DCC: variants seen among roughly 807,000 people sequenced by gnomAD.
DCC encodes DCC netrin 1 receptor, also known as netrin receptor DCC.
In DCC, 58 loss-of-function variants were observed where a neutral mutation model predicts 172.5. That is an observed-to-expected ratio of 0.34 (90% CI 0.27 to 0.42). The LOEUF is 0.42. Among genes scored for constraint, DCC ranks in the 10% least tolerant of loss-of-function variants. The pLI, the probability that DCC is intolerant of heterozygous loss-of-function variation, is 1.00. For synonymous variants in DCC, 709 were observed against 644.5 expected, an observed-to-expected ratio of 1.10 and a Z score of -1.52; for missense variants, 1,740 against 1,791.0, an observed-to-expected ratio of 0.97 and a Z score of 0.51.
intron 2 of DCC, among the ~76,000 whole-genome samples, chr18:52,773,559 C>A (rs890803379): frequency 6.6e-6 from 1 of 150,972 alleles, no homozygotes; most frequent in Admixed American, 6.6e-5. Context: ...CAGAGTCTCG[C>A]TGTGTCTCCC....
intron 2 of DCC, among the ~76,000 whole-genome samples, chr18:52,865,819 C>T (rs113987573): frequency 0.05 from 7,630 of 152,106 alleles, 255 homozygotes; most frequent in South Asian, 0.14. Context: ...ACAGAGACAA[C>T]TTGGCTTCCT....
chr18:52,408,661 A>G (rs1034756750), intron 1 of DCC, among the ~76,000 whole-genome samples: 2 of 152,136 alleles, frequency 1.3e-5, no homozygotes, highest in Non-Finnish European at 2.9e-5. Context: ...AGCATCAAGC[A>G]TCTATAGCTC....
chr18:53,489,971 A>G (rs1387900394), intron 26 of DCC, among the ~76,000 whole-genome samples: 2 of 152,146 alleles, frequency 1.3e-5, no homozygotes, highest in Admixed American at 6.5e-5. Flanking sequence ...ATTTCTACAA[A>G]TCAGTACAAA....
At chr18:53,485,290 T>A (rs2045887948) in intron 25 of DCC, among the ~76,000 whole-genome samples, 1 of 152,022 alleles carries the variant, frequency 6.6e-6, no homozygotes, top group Non-Finnish European at 1.5e-5. Flanking sequence ...CATGTATTTT[T>A]AAAAAAATTC....
intron 5 of DCC, among the ~76,000 whole-genome samples, chr18:52,962,704 C>T (rs1187954009): frequency 6.6e-6 from 1 of 151,654 alleles, no homozygotes; most frequent in Non-Finnish European, 1.5e-5. Context: ...TGGAACCAAC[C>T]CAAATGTCCA....
chr18:52,743,660 A>T (rs1159199326), intron 1 of DCC, among the ~76,000 whole-genome samples: 1 of 152,178 alleles, frequency 6.6e-6, no homozygotes, highest in African/African-American at 2.4e-5. Flanking sequence ...TGCCCTTTAA[A>T]AACCTCAGAT....
At chr18:52,405,550 G>T (rs1320218309) in intron 1 of DCC, among the ~76,000 whole-genome samples, 2 of 151,184 alleles carry the variant, frequency 1.3e-5, no homozygotes, top group South Asian at 2.1e-4. Context: ...GAGCCGAATC[G>T]TGAGTGAACT....
At chr18:53,432,729 G>A (rs1007961044) in intron 21 of DCC, among the ~76,000 whole-genome samples, 1 of 137,898 alleles carries the variant, frequency 7.3e-6, no homozygotes, top group African/African-American at 3.0e-5. Flanking sequence ...AGCAATGGGA[G>A]AATCTTTTAT....
In DCC at chr18:53,179,004, C is replaced by T. The variant is rs762499040; in HGVS notation, c.1461C>T (p.Leu487=). The T allele has an allele frequency of 3.7e-6, 6 of 1,613,894 alleles. No individual in the cohort carries two copies. The South Asian group carries it at 6.6e-5, about 18-fold the overall frequency. The change falls in exon 9 of 29, where the codon CTC becomes CTT. Residue 487 remains leucine, a synonymous_variant. Coordinates refer to ENST00000442544, the MANE Select transcript of DCC (RefSeq NM_005215.4). ...CAACACAGCCTGGGTCCCTTCAGCT[C>T]ACTGTGGGAAACCTGAAGCCAGAAG... is the stretch of plus-strand genomic sequence containing the variant. ...LNTTQPGSLQ[L]TVGNLKPEAM... is the part of the protein sequence containing the mutation.
chr18:53,252,611 G>A (rs1414674038), intron 12 of DCC, among the ~76,000 whole-genome samples: 2 of 151,908 alleles, frequency 1.3e-5, no homozygotes, highest in East Asian at 3.9e-4. Flanking sequence ...ACAATGAGGT[G>A]TGAACCATCA....
intron 15 of DCC, among the ~76,000 whole-genome samples, chr18:53,381,025 G>T (rs1224160512): frequency 6.6e-6 from 1 of 152,074 alleles, no homozygotes; most frequent in African/African-American, 2.4e-5. Context: ...TCAAGTGAAA[G>T]AAGCTGTCAT....
intron 5 of DCC, among the ~76,000 whole-genome samples, chr18:53,037,821 C>G (rs550772229): frequency 6.6e-6 from 1 of 151,756 alleles, no homozygotes; most frequent in Non-Finnish European, 1.5e-5. Context: ...AAAAGCACAA[C>G]TGATGAAAAC....
At chr18:53,324,755 A>C (rs1175567463) in intron 14 of DCC, among the ~76,000 whole-genome samples, 1 of 152,158 alleles carries the variant, frequency 6.6e-6, no homozygotes, top group African/African-American at 2.4e-5. Context: ...CTATATAAAT[A>C]GTTATTTTTT....
chr18:53,130,792 G>A (rs1313972129), intron 7 of DCC, among the ~76,000 whole-genome samples: 1 of 152,032 alleles, frequency 6.6e-6, no homozygotes, highest in Non-Finnish European at 1.5e-5. Flanking sequence ...TTCTCTACCT[G>A]TCTTCTCTTC....
chr18:53,217,413 G>A (rs897482466), intron 12 of DCC, among the ~76,000 whole-genome samples: 2 of 151,668 alleles, frequency 1.3e-5, no homozygotes, highest in African/African-American at 4.8e-5. Flanking sequence ...CTATCCTCTT[G>A]TAGTTGATAT....
intron 8 of DCC, among the ~76,000 whole-genome samples, chr18:53,169,876 A>C (rs145361909): frequency 6.6e-6 from 1 of 152,276 alleles, no homozygotes; most frequent in East Asian, 1.9e-4. Context: ...GAAATCCTTA[A>C]TTACTGCTTC....
chr18:52,860,755 T>C (rs2039128504), intron 2 of DCC, among the ~76,000 whole-genome samples: 1 of 152,168 alleles, frequency 6.6e-6, no homozygotes, highest in Admixed American at 6.5e-5. Flanking sequence ...ATCCCAGCAC[T>C]CTGGGAGGCT....
At chr18:52,993,572 A>C (rs1172189280) in intron 5 of DCC, among the ~76,000 whole-genome samples, 1 of 152,118 alleles carries the variant, frequency 6.6e-6, no homozygotes, top group Non-Finnish European at 1.5e-5. Flanking sequence ...TGTCAAAGGA[A>C]ATTTGGGATA....
chr18:53,493,978 C>T (rs2045989276), intron 26 of DCC, among the ~76,000 whole-genome samples: 2 of 152,156 alleles, frequency 1.3e-5, no homozygotes, highest in African/African-American at 2.4e-5. Flanking sequence ...CTATAACTTT[C>T]CCTGTACACA....
Sources: allele counts gnomAD v4.1 joint callset (sites outside exome capture counted in the v4.1 genomes callset), GRCh38; gene constraint gnomAD v4.1.1; transcripts MANE v1.5; gene names NCBI Gene and HGNC (gene_info 2026-07-23, HGNC 2026-07-21).